Variants in PSMD14 observed in about 807,000 individuals in gnomAD.
PSMD14 encodes the protein proteasome 26S subunit, non-ATPase 14.
Under a neutral mutation model 41.2 loss-of-function variants are expected in PSMD14, and 7 were observed. The ratio of observed to expected loss-of-function variants is 0.17; its 90% CI spans 0.10 to 0.32. PSMD14 has a LOEUF of 0.32. PSMD14 is among the 10% of genes least tolerant of loss of function. PSMD14 has a pLI of 1.00. For missense variants in PSMD14, 139 were observed against 375.6 expected (o/e 0.37, Z 5.21); for synonymous variants, 114 against 122.3 (o/e 0.93, Z 0.45).
chr2:161,355,934 A>G (rs1485144563), intron 3 of PSMD14, among the ~76,000 whole-genome samples: 1 of 152,204 alleles, frequency 6.6e-6, no homozygotes, highest in Non-Finnish European at 1.5e-5. Flanking sequence ...ATAGGCAAAT[A>G]CAAATTAGTT....
chr2:161,382,481 TA>T (rs1168709609), intron 7 of PSMD14: 3 of 151,730 alleles, frequency 2.0e-5, no homozygotes, highest in Non-Finnish European at 4.4e-5. Flanking sequence ...AAAAGGAAAG[TA>T]AGAGGTTTCC....
intron 3 of PSMD14, among the ~76,000 whole-genome samples, chr2:161,336,524 A>G (rs1202739964): frequency 6.6e-6 from 1 of 152,208 alleles, no homozygotes; most frequent in Non-Finnish European, 1.5e-5. Context: ...TTGAAGAAGT[A>G]AACTTTGCAA....
At chr2:161,341,388 CT>C in intron 3 of PSMD14, 2 of 813,174 alleles carry the variant, frequency 2.5e-6, no homozygotes, top group Non-Finnish European at 3.0e-6. Flanking sequence ...GCGCCCCGTC[CT>C]TTGTTAATGA....
intron 3 of PSMD14, among the ~76,000 whole-genome samples, chr2:161,334,486 A>G (rs2105238157): frequency 6.6e-6 from 1 of 152,210 alleles, no homozygotes; most frequent in East Asian, 1.9e-4. Context: ...GTTTCCCTTT[A>G]CAGGTGAGGA....
At chr2:161,347,313 TTTTA>T (rs1322339195) in intron 3 of PSMD14, among the ~76,000 whole-genome samples, 3 of 152,162 alleles carry the variant, frequency 2.0e-5, no homozygotes, top group African/African-American at 7.2e-5. Flanking sequence ...TTTTGTCTAC[TTTTA>T]TTTATTTATT....
intron 5 of PSMD14, among the ~76,000 whole-genome samples, chr2:161,368,658 A>G (rs2042489): frequency 0.83 from 126,421 of 151,996 alleles, 52,678 homozygotes; most frequent in African/African-American, 0.88. Flanking sequence ...AAAAATATGC[A>G]TGTATTTTTC....
intron 1 of PSMD14, among the ~76,000 whole-genome samples, chr2:161,309,965 C>A (rs533945853): frequency 6.6e-6 from 1 of 152,068 alleles, no homozygotes; most frequent in East Asian, 1.9e-4. Context: ...CCAAGACTAG[C>A]CTGGCTAACA....
intron 1 of PSMD14, among the ~76,000 whole-genome samples, chr2:161,312,921 G>A (rs1162559107): frequency 6.6e-6 from 1 of 152,252 alleles, no homozygotes; most frequent in Non-Finnish European, 1.5e-5. Context: ...CAAACTATGT[G>A]AGGAAGAAGG....
chr2:161,377,111 C>T (rs543109409), intron 7 of PSMD14, among the ~76,000 whole-genome samples: 250 of 151,884 alleles, frequency 1.6e-3, no homozygotes, highest in Non-Finnish European at 2.9e-3. Flanking sequence ...AGTCATTTGT[C>T]TACTAAAAGT....
At chr2:161,395,613 A>G (rs777731532) in intron 10 of PSMD14, among the ~76,000 whole-genome samples, 14 of 152,224 alleles carry the variant, frequency 9.2e-5, no homozygotes, top group Non-Finnish European at 1.6e-4. Flanking sequence ...AATTTATTTT[A>G]TGAACGTTTC....
chr2:161,341,509 T>C (rs1461894845), intron 3 of PSMD14, among the ~76,000 whole-genome samples: 1 of 151,998 alleles, frequency 6.6e-6, no homozygotes, highest in Non-Finnish European at 1.5e-5. Flanking sequence ...TTAACACTTT[T>C]TTGAAGACCA....
intron 3 of PSMD14, among the ~76,000 whole-genome samples, chr2:161,349,421 A>C (rs147391520): frequency 6.6e-6 from 1 of 152,334 alleles, no homozygotes; most frequent in Non-Finnish European, 1.5e-5. Context: ...TCAAAAATAA[A>C]AGCTAAAACT....
intron 9 of PSMD14, among the ~76,000 whole-genome samples, chr2:161,393,723 C>A (rs1683748187): frequency 6.6e-6 from 1 of 151,880 alleles, no homozygotes; most frequent in African/African-American, 2.4e-5. Flanking sequence ...TTACTTTTCA[C>A]AATTTTGTGA....
intron 7 of PSMD14, among the ~76,000 whole-genome samples, chr2:161,378,008 T>C (rs1322435516): frequency 6.6e-6 from 1 of 151,958 alleles, no homozygotes; most frequent in Non-Finnish European, 1.5e-5. Flanking sequence ...AGAGCCCATA[T>C]ATTTTAATTT....
intron 3 of PSMD14, among the ~76,000 whole-genome samples, chr2:161,335,038 A>G (rs1682849197): frequency 1.3e-5 from 2 of 152,246 alleles, no homozygotes; most frequent in Admixed American, 1.3e-4. Context: ...CTTAACCTCT[A>G]CCATGCCTCA....
intron 10 of PSMD14, among the ~76,000 whole-genome samples, chr2:161,401,140 C>T (rs1301465587): frequency 4.6e-5 from 7 of 151,972 alleles, no homozygotes; most frequent in Non-Finnish European, 7.4e-5. Flanking sequence ...TAAATAAGTA[C>T]GGTACTGTAA....
intron 3 of PSMD14, among the ~76,000 whole-genome samples, chr2:161,337,152 TTTTG>T (rs766330126): frequency 4.6e-5 from 7 of 152,312 alleles, no homozygotes; most frequent in Non-Finnish European, 7.4e-5. Flanking sequence ...ACGTGCTTTG[TTTTG>T]TTTGTTTGTT....
At chr2:161,394,729 C>A (rs114058146) in intron 9 of PSMD14, among the ~76,000 whole-genome samples, 81 of 152,118 alleles carry the variant, frequency 5.3e-4, no homozygotes, top group African/African-American at 1.9e-3. Context: ...AGTAATACAG[C>A]AGGTTAAGGG....
At chr2:161,408,280 G>A (rs1443208436) in intron 10 of PSMD14, 4 of 152,860 alleles carry the variant, frequency 2.6e-5, no homozygotes, top group African/African-American at 9.6e-5. Flanking sequence ...TACTTTTAGA[G>A]ATGTAAAGAT....
Sources: gnomAD v4.1 joint callset for allele counts (sites outside exome capture counted in the v4.1 genomes callset) on GRCh38, gnomAD v4.1.1 for gene constraint, MANE v1.5 for transcripts, NCBI Gene and HGNC (gene_info 2026-07-23, HGNC 2026-07-21) for gene names.